NRG3: variants seen among roughly 807,000 people sequenced by gnomAD.
The protein encoded by NRG3 is pro-neuregulin-3, membrane-bound isoform.
Under a neutral mutation model 66.9 loss-of-function variants are expected in NRG3, and 31 were observed. That is an observed-to-expected ratio of 0.46 (90% CI 0.35 to 0.63). The LOEUF (loss-of-function observed/expected upper bound fraction) is 0.63. NRG3 is among the 20% of genes least tolerant of loss of function. The pLI, the probability that NRG3 is intolerant of heterozygous loss-of-function variation, is 0.00. For synonymous variants in NRG3, 393 were observed against 359.4 expected (o/e 1.09, Z -1.06); for missense variants, 910 against 878.9 (o/e 1.04, Z -0.45).
At chr10:82,787,620 A>G (rs746882400) in intron 3 of NRG3, among the ~76,000 whole-genome samples, 2 of 152,186 alleles carry the variant, frequency 1.3e-5, no homozygotes, top group Non-Finnish European at 2.9e-5. Flanking sequence ...GGCGTTATCC[A>G]TCTGTGCCTT....
intron 4 of NRG3, among the ~76,000 whole-genome samples, chr10:82,881,036 G>A (rs1297820402): frequency 1.3e-5 from 2 of 152,206 alleles, no homozygotes; most frequent in Non-Finnish European, 2.9e-5. Context: ...GAATAAGAGT[G>A]TGCTTTGTGT....
At chr10:82,425,886 G>A (rs2089401199) in intron 2 of NRG3, among the ~76,000 whole-genome samples, 1 of 152,104 alleles carries the variant, frequency 6.6e-6, no homozygotes, top group South Asian at 2.1e-4. Context: ...TATTATAGAA[G>A]AGTCCTATTG....
At chr10:82,212,506 A>G (rs912306181) in intron 1 of NRG3, among the ~76,000 whole-genome samples, 3 of 152,204 alleles carry the variant, frequency 2.0e-5, no homozygotes, top group African/African-American at 7.2e-5. Flanking sequence ...CAACCCAGTG[A>G]TAAGACAATG....
At chr10:82,941,138 C>T (rs1355217894) in intron 4 of NRG3, among the ~76,000 whole-genome samples, 1 of 152,060 alleles carries the variant, frequency 6.6e-6, no homozygotes, top group African/African-American at 2.4e-5. Context: ...CACCCCCAGG[C>T]AGCTTTCTCA....
chr10:82,846,233 G>A (rs944342601), intron 3 of NRG3, among the ~76,000 whole-genome samples: 1 of 152,076 alleles, frequency 6.6e-6, no homozygotes, highest in Non-Finnish European at 1.5e-5. Context: ...TTTCTAACCA[G>A]TGGATTTTGG....
chr10:82,653,050 T>C (rs1591033045), intron 2 of NRG3, among the ~76,000 whole-genome samples: 1 of 152,258 alleles, frequency 6.6e-6, no homozygotes, highest in South Asian at 2.1e-4. Flanking sequence ...AAATAGCATG[T>C]TGGGCAGTAA....
rs544700265 is a variant in NRG3, at chr10:82,274,608, C to T, written c.824-84131C>T. ...AATTTAAGAAACATTTCATTCATAC[C>T]ATTTATTTAGAAACACTTTCTAATT... On this transcript the variant is annotated intron_variant, in intron 1 of 8. Coordinates refer to ENST00000372141, the MANE Select transcript of NRG3 (RefSeq NM_001010848.4). Among the ~76,000 whole-genome samples the T allele has an allele frequency of 4.6e-5, 7 of 152,008 alleles. No individual in the cohort carries two copies. In the South Asian group the frequency reaches 1.2e-3, roughly 27 times the overall value.
At chr10:82,364,984 G>A (rs1250985455) in intron 2 of NRG3, among the ~76,000 whole-genome samples, 2 of 152,130 alleles carry the variant, frequency 1.3e-5, no homozygotes. Context: ...TCCCTATTAT[G>A]ACTGGCTGTC....
chr10:82,171,736 A>C lies in NRG3; in HGVS notation c.824-187003A>C, dbSNP rs184761078. Among the ~76,000 whole-genome samples, 56 of 152,224 alleles carry C rather than the reference A, an allele frequency of 3.7e-4. 1 individual carries two copies. In the East Asian group the frequency reaches 0.01, roughly 28 times the overall value. ...CTGCTTACATAACCAAAATTGCTTC[A>C]TGATTCAAAATAACTGTTGATATTC... On this transcript the variant is annotated intron_variant, in intron 1 of 8. Coordinates refer to ENST00000372141, the MANE Select transcript of NRG3 (RefSeq NM_001010848.4).
chr10:82,098,328 TATATGACATATATATAG>T (rs2132075649), intron 1 of NRG3, among the ~76,000 whole-genome samples: 1 of 149,546 alleles, frequency 6.7e-6, no homozygotes, highest in South Asian at 2.1e-4. Context: ...GTCATCTATA[TATATGACATATATATAG>T]ATGACATCTA....
At chr10:82,255,528 G>T (rs904732673) in intron 1 of NRG3, among the ~76,000 whole-genome samples, 1 of 152,140 alleles carries the variant, frequency 6.6e-6, no homozygotes, top group Non-Finnish European at 1.5e-5. Flanking sequence ...AGGAAACTGG[G>T]TGTGGAGTAT....
chr10:82,939,807 T>A (rs939847159), intron 4 of NRG3, among the ~76,000 whole-genome samples: 3 of 151,870 alleles, frequency 2.0e-5, no homozygotes, highest in African/African-American at 7.3e-5. Context: ...TGCAGTTGAC[T>A]GCAAAGAGCA....
chr10:82,315,632 CTG>C (rs1475569727), intron 1 of NRG3, among the ~76,000 whole-genome samples: 2 of 150,306 alleles, frequency 1.3e-5, no homozygotes, highest in Non-Finnish European at 2.9e-5. Flanking sequence ...GATCGTATCT[CTG>C]TGTCAAAGAC....
chr10:82,107,674 A>G (rs187187682), intron 1 of NRG3, among the ~76,000 whole-genome samples: 168 of 152,266 alleles, frequency 1.1e-3, no homozygotes, highest in Non-Finnish European at 1.8e-3. Context: ...TCATTACACT[A>G]TTGTTGCACG....
At chr10:82,592,248 T>A (rs2047023109) in intron 2 of NRG3, among the ~76,000 whole-genome samples, 1 of 152,146 alleles carries the variant, frequency 6.6e-6, no homozygotes, top group Admixed American at 6.5e-5. Flanking sequence ...TATTAAGGGA[T>A]TCTGGATGAT....
intron 1 of NRG3, among the ~76,000 whole-genome samples, chr10:81,935,566 G>A (rs1232847610): frequency 6.6e-6 from 1 of 151,976 alleles, no homozygotes; most frequent in African/African-American, 2.4e-5. Context: ...ACCTATTTCA[G>A]GGAACAACAA....
chr10:82,367,321 A>C (rs373383801), intron 2 of NRG3, among the ~76,000 whole-genome samples: 1 of 152,158 alleles, frequency 6.6e-6, no homozygotes, highest in Admixed American at 6.5e-5. Context: ...ACCTAAAATT[A>C]CCTAATTGAT....
At chr10:82,670,153 A>G (rs1225231947) in intron 2 of NRG3, among the ~76,000 whole-genome samples, 3 of 151,790 alleles carry the variant, frequency 2.0e-5, no homozygotes. Context: ...GCCTTCTTTC[A>G]CCCTACTCTC....
At chr10:82,379,330 T>G (rs1406545502) in intron 2 of NRG3, among the ~76,000 whole-genome samples, 1 of 152,066 alleles carries the variant, frequency 6.6e-6, no homozygotes, top group Non-Finnish European at 1.5e-5. Context: ...TGGGGGGAAA[T>G]GAGCTTCACA....
Sources: allele counts gnomAD v4.1 joint callset (sites outside exome capture counted in the v4.1 genomes callset), GRCh38; gene constraint gnomAD v4.1.1; transcripts MANE v1.5; gene names NCBI Gene and HGNC (gene_info 2026-07-23, HGNC 2026-07-21).